Variants in DIAPH1 observed in about 807,000 individuals in gnomAD.
DIAPH1 encodes the protein diaphanous related formin 1.
In DIAPH1, 46 loss-of-function variants were observed where a neutral mutation model predicts 140.7. The ratio of observed to expected loss-of-function variants is 0.33; its 90% CI spans 0.26 to 0.42. The LOEUF is 0.42. Among genes scored for constraint, DIAPH1 ranks in the 10% least tolerant of loss-of-function variants. DIAPH1 has a pLI of 1.00. For missense variants in DIAPH1, 1,310 were observed against 1,558.7 expected (o/e 0.84, Z 2.69); for synonymous variants, 565 against 551.6 (o/e 1.02, Z -0.34).
rs149843974 is a variant in DIAPH1 at position 141,586,906 on chromosome 5, G to T, written c.300+136C>A. 1.0e-5 allele frequency: 9 copies of T among 880,906 alleles called. No individual in the cohort carries two copies. In the Admixed American group the frequency reaches 1.6e-4, roughly 16 times the overall value. 54.6% of individuals were successfully genotyped at this position (880,906 alleles called of 1,614,324 possible). On this transcript the variant is annotated intron_variant, in intron 3 of 27. Transcript: ENST00000389054. ...TAGTCCCTAATTATGGGATTAAAGG[G>T]TTAATATTAAAAAGTTCCATGTTAA...
intron 18 of DIAPH1, among the ~76,000 whole-genome samples, chr5:141,548,651 A>G (rs1045539516): frequency 6.6e-6 from 1 of 152,046 alleles, no homozygotes; most frequent in African/African-American, 2.4e-5. Flanking sequence ...TACAAAAAGT[A>G]CAAAAATTAG....
chr5:141,572,037 C>T lies in DIAPH1; in HGVS notation c.2362G>A (p.Val788Met). ...CAGTCCTGGGAGAGGTCCTCAGCCA[C>T]AAGCTGTGGATAAAGGCAGGGTGTT... ...QLRRPNWSKL[V>M]AEDLSQDCFW... The change falls in exon 17 of 28, where the codon GTG becomes ATG. Residue 788 changes from valine (V) to methionine (M), a missense_variant. Coordinates refer to ENST00000389054, the MANE Select transcript of DIAPH1 (RefSeq NM_005219.5). 1 of 1,608,818 alleles carries T rather than the reference C, an allele frequency of 6.2e-7. No individual in the cohort carries two copies. Among genetic ancestry groups the T allele is most frequent in the Non-Finnish European group, 8.5e-7 (1 of 1,175,130 alleles).
chr5:141,547,880 T>C (rs1424296749), intron 18 of DIAPH1, among the ~76,000 whole-genome samples: 1 of 152,002 alleles, frequency 6.6e-6, no homozygotes, highest in Non-Finnish European at 1.5e-5. Flanking sequence ...ATAGTAAAAC[T>C]GCTAAAAATC....
chr5:141,550,818 G>C (rs1484525893), intron 18 of DIAPH1, among the ~76,000 whole-genome samples: 1 of 152,044 alleles, frequency 6.6e-6, no homozygotes, highest in African/African-American at 2.4e-5. Flanking sequence ...CTGCTTGAGA[G>C]GATTGCCCTG....
intron 1 of DIAPH1, among the ~76,000 whole-genome samples, chr5:141,600,986 C>T (rs2099900055): frequency 1.3e-5 from 2 of 151,960 alleles, no homozygotes; most frequent in South Asian, 4.1e-4. Flanking sequence ...GACAGAAAAC[C>T]AAACACCGCA....
chr5:141,586,942 CT>C (rs1283236964), intron 3 of DIAPH1, 99 bp downstream of exon 3: 14 of 1,279,816 alleles, frequency 1.1e-5, no homozygotes, highest in Admixed American at 5.1e-5. Flanking sequence ...GCCTGGAATT[CT>C]TTGTAATAAA....
chr5:141,535,048 C>CA (rs2099888808), intron 18 of DIAPH1, among the ~76,000 whole-genome samples: 1 of 152,172 alleles, frequency 6.6e-6, no homozygotes, highest in Non-Finnish European at 1.5e-5. Context: ...CTCTTGGGCT[C>CA]AGATAATTCT....
intron 11 of DIAPH1, 147 bp downstream of exon 11, chr5:141,578,078 A>G: frequency 2.6e-6 from 2 of 768,220 alleles, no homozygotes; most frequent in South Asian, 2.8e-5. Context: ...AGCGCAATAA[A>G]AATACACCTG....
At chr5:141,544,996 C>A (rs2099890567) in intron 18 of DIAPH1, among the ~76,000 whole-genome samples, 1 of 152,126 alleles carries the variant, frequency 6.6e-6, no homozygotes, top group South Asian at 2.1e-4. Context: ...GGATACAACC[C>A]AGATGTCCAT....
At chr5:141,585,897 G>A (rs1210700840) in intron 3 of DIAPH1, among the ~76,000 whole-genome samples, 1 of 152,080 alleles carries the variant, frequency 6.6e-6, no homozygotes, top group Non-Finnish European at 1.5e-5. Context: ...ACCTAATTGG[G>A]GAAATTCAAA....
chr5:141,538,410 T>C (rs527462555), intron 18 of DIAPH1, among the ~76,000 whole-genome samples: 13 of 151,852 alleles, frequency 8.6e-5, no homozygotes, highest in Admixed American at 2.6e-4. Context: ...TGGAGTGCAG[T>C]GGCACAATCT....
At chr5:141,549,563 C>T (rs1169678782) in intron 18 of DIAPH1, among the ~76,000 whole-genome samples, 1 of 152,002 alleles carries the variant, frequency 6.6e-6, no homozygotes, top group African/African-American at 2.4e-5. Context: ...GAACAATGTA[C>T]CCAATAATAC....
chr5:141,572,115 T>A, intron 16 of DIAPH1, 75 bp from the exon 17 acceptor site: 1 of 1,041,488 alleles, frequency 9.6e-7, no homozygotes, highest in Non-Finnish European at 1.5e-6. Context: ...CGGATGAGGC[T>A]GTAAAATAGG....
chr5:141,587,447 C>T (rs2099897710), intron 2 of DIAPH1: 1 of 520,760 alleles, frequency 1.9e-6, no homozygotes, highest in Admixed American at 3.2e-5. Context: ...CCTCTTTAAA[C>T]TAGAAGAAAC....
chr5:141,532,464 C>T (rs1343417999), intron 19 of DIAPH1, among the ~76,000 whole-genome samples: 1 of 152,176 alleles, frequency 6.6e-6, no homozygotes, highest in Admixed American at 6.5e-5. Context: ...CATGCCCAGC[C>T]TCCTTAATTC....
At chr5:141,561,765 C>T (rs796928824) in intron 18 of DIAPH1, 1 of 152,172 alleles carries the variant, frequency 6.6e-6, no homozygotes, top group Non-Finnish European at 1.5e-5. Flanking sequence ...TCCCACCAAA[C>T]ACTGAATCAC....
chr5:141,522,889 GA>G (rs2099886779), intron 27 of DIAPH1, among the ~76,000 whole-genome samples: 4 of 152,250 alleles, frequency 2.6e-5, no homozygotes, highest in Non-Finnish European at 5.9e-5. Flanking sequence ...TCAGTTTGGG[GA>G]ACATTCTGAA....
chr5:141,546,850 T>C (rs1167773200), intron 18 of DIAPH1, among the ~76,000 whole-genome samples: 1 of 152,182 alleles, frequency 6.6e-6, no homozygotes, highest in Non-Finnish European at 1.5e-5. Context: ...CCTGACTGGA[T>C]TAACACAATC....
chr5:141,528,644 T>C (rs1366137314), intron 22 of DIAPH1, 58 bp downstream of exon 22: 24 of 1,614,134 alleles, frequency 1.5e-5, no homozygotes, highest in Non-Finnish European at 1.9e-5. Context: ...CTGCCAACAC[T>C]GAACTCATAG....
Sources: gnomAD v4.1 joint callset for allele counts (sites outside exome capture counted in the v4.1 genomes callset) on GRCh38, gnomAD v4.1.1 for gene constraint, MANE v1.5 for transcripts, NCBI Gene and HGNC (gene_info 2026-07-23, HGNC 2026-07-21) for gene names.